Variants in HDAC9 observed in about 807,000 individuals in gnomAD.
The protein encoded by HDAC9 is MEF-2 interacting transcription repressor (MITR) protein.
HDAC9 carries 41 observed loss-of-function variants against 139.4 expected under a neutral mutation model. The observed-to-expected ratio is 0.29, with a 90% CI of 0.23 to 0.38. The LOEUF (loss-of-function observed/expected upper bound fraction) is 0.38, where lower values mean the gene tolerates loss of function less well. HDAC9 is among the 10% of genes least tolerant of loss of function. HDAC9 has a pLI of 1.00. For synonymous variants in HDAC9, 517 were observed against 476.2 expected, an observed-to-expected ratio of 1.09 and a Z score of -1.12; for missense variants, 1,147 against 1,297.0, an observed-to-expected ratio of 0.88 and a Z score of 1.78.
intron 2 of HDAC9, chr7:18,509,168 A>C (rs1800681069): frequency 1.9e-6 from 1 of 537,180 alleles, no homozygotes. Context: ...CTGACACATT[A>C]TCTCACATGC....
At chr7:18,359,015 T>C (rs1783555644) in intron 1 of HDAC9, among the ~76,000 whole-genome samples, 1 of 152,226 alleles carries the variant, frequency 6.6e-6, no homozygotes. Flanking sequence ...GAAGGCCTTA[T>C]GCTAAAACCT....
At chr7:18,106,871 A>C (rs1414329454) in intron 1 of HDAC9, among the ~76,000 whole-genome samples, 2 of 152,076 alleles carry the variant, frequency 1.3e-5, no homozygotes, top group Non-Finnish European at 2.9e-5. Context: ...CCCTTTTTAT[A>C]CACCAGTGCT....
intron 23 of HDAC9, among the ~76,000 whole-genome samples, chr7:18,936,186 A>G (rs902353213): frequency 6.6e-6 from 1 of 152,142 alleles, no homozygotes; most frequent in African/African-American, 2.4e-5. Flanking sequence ...AAATAAGAAC[A>G]TTTTGTCTAC....
intron 22 of HDAC9, among the ~76,000 whole-genome samples, chr7:18,915,730 C>T (rs1361387424): frequency 6.6e-6 from 1 of 151,458 alleles, no homozygotes; most frequent in East Asian, 1.9e-4. Flanking sequence ...TCTGACAGCC[C>T]AGAAATTAAA....
At chr7:18,695,388 T>A (rs1234141634) in intron 12 of HDAC9, among the ~76,000 whole-genome samples, 1 of 152,192 alleles carries the variant, frequency 6.6e-6, no homozygotes, top group African/African-American at 2.4e-5. Context: ...TAACAAATAA[T>A]ATCAACATAA....
chr7:18,378,792 T>C (rs1480668908), intron 1 of HDAC9, among the ~76,000 whole-genome samples: 3 of 152,126 alleles, frequency 2.0e-5, no homozygotes, highest in Non-Finnish European at 4.4e-5. Flanking sequence ...TTCACTTCAA[T>C]ATGTCTACAC....
At chr7:18,744,375 G>C (rs1787748350) in intron 13 of HDAC9, among the ~76,000 whole-genome samples, 1 of 152,160 alleles carries the variant, frequency 6.6e-6, no homozygotes, top group Non-Finnish European at 1.5e-5. Flanking sequence ...ACTGTCTACT[G>C]ATTCTGCATC....
intron 13 of HDAC9, among the ~76,000 whole-genome samples, chr7:18,736,448 C>T (rs557486153): frequency 6.6e-6 from 1 of 152,002 alleles, no homozygotes. Context: ...GCATGAAGGG[C>T]TGTTGAATTT....
rs563294237 is a variant in HDAC9 at position 18,153,717 on chromosome 7, TCTC to T, written c.-96-8509_-96-8507del. Reference sequence around the variant, plus strand: ...TAGGGTCCCTGCCTCTAGAACCTATTCTCCTGCCTCAGATGGAGGGATAAGGAG... The same window carrying T: ...TAGGGTCCCTGCCTCTAGAACCTATTCTGCCTCAGATGGAGGGATAAGGAG... On this transcript the variant is annotated intron_variant, in intron 1 of 12. Transcript: ENST00000417496. Among the ~76,000 whole-genome samples the T allele has an allele frequency of 2.6e-5, 4 of 152,276 alleles. No individual in the cohort carries two copies. In the East Asian group the frequency reaches 7.7e-4, roughly 29 times the overall value.
chr7:18,682,413 C>T (rs999694283), intron 12 of HDAC9, among the ~76,000 whole-genome samples: 6 of 151,866 alleles, frequency 4.0e-5, no homozygotes, highest in African/African-American at 9.7e-5. Context: ...ATGTATAGAG[C>T]GTGATATTTC....
chr7:18,841,202 A>G (rs1796560099), intron 21 of HDAC9, among the ~76,000 whole-genome samples: 1 of 152,108 alleles, frequency 6.6e-6, no homozygotes, highest in South Asian at 2.1e-4. Flanking sequence ...TATAAACTGA[A>G]AAAGAGGTTT....
At chr7:18,593,831 G>A (rs183153134) in intron 5 of HDAC9, 77 bp from the exon 6 acceptor site, 1,159 of 1,467,790 alleles carry the variant, frequency 7.9e-4, no homozygotes, top group Middle Eastern at 2.6e-3. Flanking sequence ...CGTGTACAGC[G>A]TGTGCAGCTG....
At chr7:18,760,735 A>G (rs1789310022) in intron 14 of HDAC9, among the ~76,000 whole-genome samples, 1 of 152,088 alleles carries the variant, frequency 6.6e-6, no homozygotes, top group African/African-American at 2.4e-5. Flanking sequence ...GCAGACCCCC[A>G]CCAATCCTCC....
intron 12 of HDAC9, among the ~76,000 whole-genome samples, chr7:18,700,109 GC>G (rs1783352608): frequency 6.6e-6 from 1 of 152,158 alleles, no homozygotes; most frequent in African/African-American, 2.4e-5. Context: ...GGCATTGGAA[GC>G]TACAAGAAGA....
At chr7:18,679,857 A>G (rs894649055) in intron 12 of HDAC9, among the ~76,000 whole-genome samples, 3 of 151,892 alleles carry the variant, frequency 2.0e-5, no homozygotes, top group African/African-American at 7.2e-5. Flanking sequence ...CTATTTAAAG[A>G]GGTAAGCCAT....
Position 18,647,875 on chromosome 7 carries a change from C to T in HDAC9, c.1126C>T (p.Pro376Ser), listed in dbSNP as rs777999987. Residue 376 changes from proline (P) to serine (S), a missense_variant, in exon 10 of 26, where the codon CCG (proline) becomes TCG (serine). By Grantham distance (74) the Pro-to-Ser change is moderately conservative. This residue lies in a region of HDAC9 where 264 missense variants were observed against 273.8 expected (regional missense o/e 0.96). Coordinates refer to ENST00000686413, the MANE Select transcript of HDAC9 (RefSeq NM_178425.4). ...PLPGQYGGSI[P>S]ASSSHPHVTL... ...GCCTGGGCAGTATGGAGGCAGCATCCCGGCATCTTCCAGCCACCCTCATGT... is the reference window on the plus strand; with the variant it reads ...GCCTGGGCAGTATGGAGGCAGCATCTCGGCATCTTCCAGCCACCCTCATGT... 6.2e-7 allele frequency: 1 copy of T among 1,612,674 alleles called. No individual in the cohort carries two copies. Among genetic ancestry groups the T allele is most frequent in the Non-Finnish European group, 8.5e-7 (1 of 1,179,396 alleles).
At chr7:18,376,605 T>TG (rs1785010789) in intron 1 of HDAC9, among the ~76,000 whole-genome samples, 3 of 152,322 alleles carry the variant, frequency 2.0e-5, no homozygotes, top group Admixed American at 6.5e-5. Flanking sequence ...TGCAGACTTC[T>TG]GGTTAATAAC....
chr7:18,399,944 G>A (rs532247906), intron 1 of HDAC9, among the ~76,000 whole-genome samples: 120 of 152,308 alleles, frequency 7.9e-4, no homozygotes, highest in African/African-American at 2.8e-3. Context: ...TGTATGCTTA[G>A]GAGGTCACAG....
intron 12 of HDAC9, among the ~76,000 whole-genome samples, chr7:18,689,042 T>C (rs929045317): frequency 6.6e-6 from 1 of 151,954 alleles, no homozygotes; most frequent in African/African-American, 2.4e-5. Context: ...GTCACATAAA[T>C]TAAAACTACC....
Sources: allele counts gnomAD v4.1 joint callset (sites outside exome capture counted in the v4.1 genomes callset), GRCh38; gene constraint gnomAD v4.1.1; regional missense constraint gnomAD v4.1.1; transcripts MANE v1.5; gene names NCBI Gene and HGNC (gene_info 2026-07-23, HGNC 2026-07-21).